ACTR3C: variants seen among roughly 807,000 people sequenced by gnomAD.
ACTR3C encodes the protein actin-related protein 3C.
ACTR3C carries 18 observed loss-of-function variants against 26.3 expected under a neutral mutation model. That is an observed-to-expected ratio of 0.68 (90% CI 0.47 to 1.01). The LOEUF (loss-of-function observed/expected upper bound fraction) is 1.01. ACTR3C is among the 50% of genes least tolerant of loss of function. The pLI is 0.00. For synonymous variants in ACTR3C, 55 were observed against 94.5 expected (o/e 0.58, Z 2.42); for missense variants, 184 against 250.7 (o/e 0.73, Z 1.80).
the ACTR3C span, among the ~76,000 whole-genome samples, chr7:150,220,322 G>A: frequency 2.0e-5 from 3 of 146,638 alleles, no homozygotes; most frequent in Non-Finnish European, 4.4e-5. Flanking sequence ...GGAAGTTGAG[G>A]GGCCCAGATT....
rs1376804727 is a variant in ACTR3C at position 150,247,508 on chromosome 7, T to C, written c.*100A>G. The C allele has an allele frequency of 7.1e-6, 1 of 140,120 alleles. No individual in the cohort carries two copies. The highest frequency in any genetic ancestry group is 2.7e-5 in the African/African-American group (1 of 36,846). 8.7% of individuals were successfully genotyped at this position (140,120 alleles called of 1,614,324 possible). ...TAAACAATTGATATGAGAGTTTTTC[T>C]TGAGAATGAATTTTTATACAAAGAA... On this transcript the variant is annotated 3_prime_UTR_variant, in exon 8 of 8. Coordinates refer to ENST00000683684, the MANE Select transcript of ACTR3C (RefSeq NM_001164458.2).
chr7:150,108,787 T>C, the ACTR3C span, among the ~76,000 whole-genome samples: 1 of 150,286 alleles, frequency 6.7e-6, no homozygotes, highest in African/African-American at 2.5e-5. Context: ...TTATAAATTA[T>C]CCAGACTCAG....
At chr7:150,062,563 T>C in the ACTR3C span, among the ~76,000 whole-genome samples, 1 of 151,126 alleles carries the variant, frequency 6.6e-6, no homozygotes, top group Non-Finnish European at 1.5e-5. Context: ...AACAAAATCA[T>C]GGTAGGCAAG....
At chr7:150,011,422 A>G in the ACTR3C span, among the ~76,000 whole-genome samples, 1 of 152,096 alleles carries the variant, frequency 6.6e-6, no homozygotes, top group Admixed American at 6.6e-5. Context: ...CTGTCTTACT[A>G]AATATATAAA....
the ACTR3C span, among the ~76,000 whole-genome samples, chr7:150,193,714 G>A: frequency 6.6e-6 from 1 of 151,344 alleles, no homozygotes. Flanking sequence ...AAGTATTTAG[G>A]AATTTTCTAG....
At chr7:150,073,378 G>T in the ACTR3C span, among the ~76,000 whole-genome samples, 1 of 151,830 alleles carries the variant, frequency 6.6e-6, no homozygotes, top group Non-Finnish European at 1.5e-5. Flanking sequence ...AACAGTGAAG[G>T]TGTCAGAGAA....
chr7:150,059,182 T>G, the ACTR3C span, among the ~76,000 whole-genome samples: 6 of 152,226 alleles, frequency 3.9e-5, no homozygotes, highest in Non-Finnish European at 7.3e-5. Flanking sequence ...GACGCTCATC[T>G]ATGGCATAAG....
the ACTR3C span, among the ~76,000 whole-genome samples, chr7:150,106,668 A>G: frequency 7.5e-6 from 1 of 132,556 alleles, no homozygotes; most frequent in Non-Finnish European, 1.6e-5. Flanking sequence ...GTGTAATTCT[A>G]TAATATTAGC....
At chr7:149,959,256 C>G in the ACTR3C span, among the ~76,000 whole-genome samples, 5 of 145,656 alleles carry the variant, frequency 3.4e-5, no homozygotes, top group African/African-American at 9.9e-5. Flanking sequence ...CTGCTGCTTC[C>G]TCCCCTCAGC....
the ACTR3C span, among the ~76,000 whole-genome samples, chr7:149,937,306 T>C: frequency 9.0e-4 from 131 of 145,732 alleles, no homozygotes; most frequent in African/African-American, 3.1e-3. Context: ...TGGATGATGT[T>C]AGAGGCGGAG....
intron 3 of ACTR3C, among the ~76,000 whole-genome samples, chr7:150,290,249 T>A (rs1414771770): frequency 6.6e-6 from 1 of 152,160 alleles, no homozygotes; most frequent in Non-Finnish European, 1.5e-5. Context: ...TGAAGGCATG[T>A]CTGTGAGGGG....
the ACTR3C span, among the ~76,000 whole-genome samples, chr7:150,104,070 C>G: frequency 6.6e-6 from 1 of 151,650 alleles, no homozygotes; most frequent in Non-Finnish European, 1.5e-5. Context: ...ACCCTACATT[C>G]TGGTGTGTAC....
chr7:149,976,853 C>T, the ACTR3C span, among the ~76,000 whole-genome samples: 4,809 of 151,382 alleles, frequency 0.032, 184 homozygotes, highest in African/African-American at 0.093. Flanking sequence ...GGTACAGCAT[C>T]GCATGGTGGC....
At position 150,255,366 on chromosome 7, in the gene ACTR3C, T is replaced by C. The variant is rs535568026; in HGVS notation, c.565-6312A>G. On this transcript the variant is annotated intron_variant, in intron 6 of 7. Transcript: ENST00000683684. ...ATCTGAACTACATCATTTCTTTAGA[T>C]TTAGTAGGGTTTTGACTTGAACGCT... Among the ~76,000 whole-genome samples, 804 of 151,760 alleles carry C rather than the reference T, an allele frequency of 5.3e-3. 5 individuals are homozygous for C. The highest frequency in any genetic ancestry group is 0.018 in the African/African-American group (755 of 41,324).
At chr7:150,029,586 C>G in the ACTR3C span, among the ~76,000 whole-genome samples, 1 of 151,708 alleles carries the variant, frequency 6.6e-6, no homozygotes, top group Admixed American at 6.5e-5. Flanking sequence ...AACAAACAAA[C>G]AAAAACTCTT....
intron 1 of ACTR3C, among the ~76,000 whole-genome samples, chr7:150,321,713 C>T (rs553905200): frequency 6.6e-6 from 1 of 152,116 alleles, no homozygotes; most frequent in Admixed American, 6.5e-5. Context: ...GCACTCCAGC[C>T]TGGGCAAGAG....
the ACTR3C span, among the ~76,000 whole-genome samples, chr7:150,238,306 T>C: frequency 0.022 from 2,647 of 118,158 alleles, 86 homozygotes; most frequent in African/African-American, 0.069. Flanking sequence ...GCATAAGTAT[T>C]GTAGATTGAT....
At chr7:150,032,431 G>A in the ACTR3C span, among the ~76,000 whole-genome samples, 1 of 152,214 alleles carries the variant, frequency 6.6e-6, no homozygotes, top group Non-Finnish European at 1.5e-5. Flanking sequence ...TTGCGGTGCA[G>A]GCCCTGACAA....
the ACTR3C span, among the ~76,000 whole-genome samples, chr7:150,065,495 T>C: frequency 6.6e-6 from 1 of 152,192 alleles, no homozygotes; most frequent in Non-Finnish European, 1.5e-5. Context: ...GGATACCTTG[T>C]CCATTGAACC....
Sources: gnomAD v4.1 joint callset for allele counts (sites outside exome capture counted in the v4.1 genomes callset) on GRCh38, gnomAD v4.1.1 for gene constraint, MANE v1.5 for transcripts, NCBI Gene and HGNC (gene_info 2026-07-23, HGNC 2026-07-21) for gene names.